The following DNMBP variants were observed in gnomAD, a reference collection of about 807,000 sequenced individuals.
The protein encoded by DNMBP is dynamin binding protein, also known as dynamin-binding protein.
Under a neutral mutation model 150.0 loss-of-function variants are expected in DNMBP, and 87 were observed. The ratio of observed to expected loss-of-function variants is 0.58; its 90% CI spans 0.49 to 0.69. DNMBP has a LOEUF of 0.69. Among genes scored for constraint, DNMBP ranks in the 30% least tolerant of loss-of-function variants. The probability of loss-of-function intolerance (pLI) is 0.00; values close to 1 mark genes in which losing one functional copy is unlikely to be tolerated. For missense variants in DNMBP, 1,774 were observed against 1,949.0 expected, an observed-to-expected ratio of 0.91 and a Z score of 1.69; for synonymous variants, 711 against 750.4, an observed-to-expected ratio of 0.95 and a Z score of 0.86.
At chr10:99,878,450 G>A (rs2039309201) in intron 16 of DNMBP, among the ~76,000 whole-genome samples, 1 of 152,216 alleles carries the variant, frequency 6.6e-6, no homozygotes, top group African/African-American at 2.4e-5. Context: ...TCCCTTTGAT[G>A]TGTCTATAAT....
intron 9 of DNMBP, among the ~76,000 whole-genome samples, chr10:99,897,838 G>A (rs1183317343): frequency 6.6e-6 from 1 of 152,092 alleles, no homozygotes; most frequent in Non-Finnish European, 1.5e-5. Flanking sequence ...GCTTGAACAT[G>A]GGAGGTGGAG....
chr10:100,007,071 C>T (rs914399995), intron 1 of DNMBP, among the ~76,000 whole-genome samples: 4 of 151,774 alleles, frequency 2.6e-5, no homozygotes, highest in South Asian at 2.1e-4. Flanking sequence ...GCTGTGATCA[C>T]GCCACTGCAC....
intron 4 of DNMBP, among the ~76,000 whole-genome samples, chr10:99,923,641 T>C (rs1370957766): frequency 6.6e-6 from 1 of 152,120 alleles, no homozygotes; most frequent in Non-Finnish European, 1.5e-5. Context: ...CCCAAACTCC[T>C]ACTGGCGTCT....
chr10:99,891,372 G>A (rs1485838721), intron 11 of DNMBP, among the ~76,000 whole-genome samples: 8 of 151,402 alleles, frequency 5.3e-5, no homozygotes, highest in South Asian at 2.1e-4. Flanking sequence ...ACGGGGTTTC[G>A]CTGTGTTGGC....
intron 2 of DNMBP, among the ~76,000 whole-genome samples, chr10:99,970,967 G>A (rs1283529484): frequency 3.1e-5 from 1 of 32,770 alleles, no homozygotes; most frequent in East Asian, 6.5e-4. Context: ...GCAAGACTCC[G>A]TCTCAAAAAA....
intron 12 of DNMBP, among the ~76,000 whole-genome samples, chr10:99,888,539 C>T (rs1359787168): frequency 6.6e-6 from 1 of 152,166 alleles, no homozygotes; most frequent in Non-Finnish European, 1.5e-5. Context: ...CCTATAGTTG[C>T]TTTTATTTGA....
At chr10:99,878,648 C>A (rs1201039772) in intron 16 of DNMBP, among the ~76,000 whole-genome samples, 1 of 152,152 alleles carries the variant, frequency 6.6e-6, no homozygotes, top group East Asian at 1.9e-4. Flanking sequence ...AGAGGCAGCA[C>A]CTCTACAACC....
chr10:99,990,032 AGTAAGCCCTCC>A (rs1291938288), intron 1 of DNMBP, among the ~76,000 whole-genome samples: 1 of 152,226 alleles, frequency 6.6e-6, no homozygotes, highest in Non-Finnish European at 1.5e-5. Flanking sequence ...CCTGATACAC[AGTAAGCCCTCC>A]GTAAATATTT....
chr10:99,979,018 A>G (rs1453698946), intron 1 of DNMBP, among the ~76,000 whole-genome samples: 1 of 152,138 alleles, frequency 6.6e-6, no homozygotes, highest in Non-Finnish European at 1.5e-5. Flanking sequence ...TCTTTCTAAA[A>G]TGTCAATTTA....
At chr10:99,969,012 A>C in intron 3 of DNMBP, 103 bp downstream of exon 3, 1 of 1,385,568 alleles carries the variant, frequency 7.2e-7, no homozygotes, top group Non-Finnish European at 1.0e-6. Context: ...AGGACTCTCT[A>C]GAGGTTAAGC....
intron 9 of DNMBP, among the ~76,000 whole-genome samples, chr10:99,896,901 G>A (rs1395547056): frequency 6.6e-6 from 1 of 152,170 alleles, no homozygotes; most frequent in African/African-American, 2.4e-5. Flanking sequence ...AAGTAGAAGG[G>A]TGGCAAGGGG....
rs759554526 is a variant in DNMBP at position 99,896,368 on chromosome 10, T to A, written c.2950A>T (p.Ser984Cys). 16 of 1,614,188 alleles carry A rather than the reference T, an allele frequency of 9.9e-6. No individual in the cohort carries two copies. The highest frequency in any genetic ancestry group is 1.3e-5 in the Non-Finnish European group (15 of 1,180,018). Residue 984 changes from serine to cysteine, a missense_variant, in exon 10 of 17, where the codon AGC (serine) becomes TGC (cysteine). Around this residue, in one of 2 missense-constraint regions of DNMBP, gnomAD observed 1,430 missense variants for 1,492.5 expected, o/e 0.96. Transcript: ENST00000324109. Reference sequence around the variant, plus strand: ...AGTTTGGAAATTTTCTCCATAAGGCTATCTTCATCACCCTTACGGTACTTG... The same window carrying A: ...AGTTTGGAAATTTTCTCCATAAGGCAATCTTCATCACCCTTACGGTACTTG... Reference protein sequence around the residue: ...VLKYRKGDEDSLMEKISKLNI... With the variant: ...VLKYRKGDEDCLMEKISKLNI...
chr10:99,915,214 T>TACACACAC (rs10654941), intron 4 of DNMBP, among the ~76,000 whole-genome samples: 12 of 142,526 alleles, frequency 8.4e-5, no homozygotes, highest in African/African-American at 2.4e-4. Context: ...CATATATACA[T>TACACACAC]ACACACACAC....
intron 16 of DNMBP, among the ~76,000 whole-genome samples, chr10:99,879,084 C>CAAACAAAAAAA (rs2039320161): frequency 1.6e-5 from 1 of 62,404 alleles, no homozygotes; most frequent in Admixed American, 2.0e-4. Context: ...GACTCTGTCT[C>CAAACAAAAAAA]AAAAAAAAAA....
chr10:100,002,219 G>C (rs1176625666), intron 1 of DNMBP, among the ~76,000 whole-genome samples: 2 of 152,088 alleles, frequency 1.3e-5, no homozygotes, highest in Admixed American at 6.5e-5. Flanking sequence ...GCAGGGGTTG[G>C]TGCTAAAAGG....
intron 4 of DNMBP, among the ~76,000 whole-genome samples, chr10:99,918,091 A>C (rs2039986401): frequency 6.6e-6 from 1 of 152,002 alleles, no homozygotes; most frequent in African/African-American, 2.4e-5. Flanking sequence ...TCTGCAGCAA[A>C]CCCTGAGAGG....
intron 4 of DNMBP, among the ~76,000 whole-genome samples, chr10:99,937,279 A>ACAG (rs951639569): frequency 6.6e-6 from 1 of 151,730 alleles, no homozygotes; most frequent in African/African-American, 2.4e-5. Context: ...TCCTCAACCA[A>ACAG]CAGCAGCAGC....
chr10:99,892,963 T>C (rs2039596240), intron 11 of DNMBP, among the ~76,000 whole-genome samples: 1 of 152,008 alleles, frequency 6.6e-6, no homozygotes, highest in Non-Finnish European at 1.5e-5. Flanking sequence ...AAGGACTATA[T>C]CCTCCAATAG....
At position 100,002,822 on chromosome 10, in the gene DNMBP, C is replaced by A. The variant is rs576422625; in HGVS notation, c.-11+7016G>T. ...AAAAAGTACTTGGTAAGGCTTAATA[C>A]CTATTTATGATGAAAACTCTCAGTA... On this transcript the variant is annotated intron_variant, in intron 1 of 16. Coordinates refer to ENST00000324109, the MANE Select transcript of DNMBP (RefSeq NM_015221.4). Among the ~76,000 whole-genome samples, 4 of 152,130 alleles carry A rather than the reference C, an allele frequency of 2.6e-5. 1 individual carries two copies. The East Asian group carries it at 7.7e-4, about 29-fold the overall frequency.
Sources: allele counts gnomAD v4.1 joint callset (sites outside exome capture counted in the v4.1 genomes callset), GRCh38; gene constraint gnomAD v4.1.1; regional missense constraint gnomAD v4.1.1; transcripts MANE v1.5; gene names NCBI Gene and HGNC (gene_info 2026-07-23, HGNC 2026-07-21).